EPHA6: variants seen among roughly 807,000 people sequenced by gnomAD.
The protein encoded by EPHA6 is EPH receptor A6.
EPHA6 carries 50 observed loss-of-function variants against 112.0 expected under a neutral mutation model. That is an observed-to-expected ratio of 0.45 (90% CI 0.36 to 0.56). The LOEUF (loss-of-function observed/expected upper bound fraction) is 0.56. Ranked by LOEUF, EPHA6 falls within the 20% of genes least tolerant of loss-of-function variation. EPHA6 has a pLI of 0.00. For synonymous variants in EPHA6, 529 were observed against 490.7 expected, an observed-to-expected ratio of 1.08 and a Z score of -1.03; for missense variants, 1,280 against 1,417.4, an observed-to-expected ratio of 0.90 and a Z score of 1.56.
chr3:96,979,890 A>T (rs977505471), intron 2 of EPHA6, among the ~76,000 whole-genome samples: 4 of 151,908 alleles, frequency 2.6e-5, no homozygotes, highest in African/African-American at 9.7e-5. Flanking sequence ...CCACTTTTTG[A>T]TGGGGTTGTT....
intron 10 of EPHA6, among the ~76,000 whole-genome samples, chr3:97,491,458 C>T (rs9839889): frequency 0.069 from 10,452 of 152,088 alleles, 1,103 homozygotes; most frequent in African/African-American, 0.23. Flanking sequence ...CAGGTACAGT[C>T]GGGGGGTCAG....
chr3:97,618,159 A>G (rs932787743), intron 13 of EPHA6, among the ~76,000 whole-genome samples: 1 of 152,140 alleles, frequency 6.6e-6, no homozygotes, highest in Non-Finnish European at 1.5e-5. Flanking sequence ...AAATTGTATA[A>G]CCTGCTCCTG....
chr3:97,227,711 A>T (rs988604006), intron 4 of EPHA6, among the ~76,000 whole-genome samples: 3 of 152,168 alleles, frequency 2.0e-5, no homozygotes, highest in Non-Finnish European at 2.9e-5. Context: ...AGAAACATGC[A>T]CATGGGCAAT....
intron 2 of EPHA6, among the ~76,000 whole-genome samples, chr3:96,890,221 G>A (rs2037875845): frequency 6.6e-6 from 1 of 151,836 alleles, no homozygotes. Context: ...ACAGCAAAAG[G>A]CAACACACAG....
At chr3:97,281,880 G>T (rs1460163717) in intron 5 of EPHA6, among the ~76,000 whole-genome samples, 1 of 152,114 alleles carries the variant, frequency 6.6e-6, no homozygotes, top group South Asian at 2.1e-4. Context: ...TACAGTGTGT[G>T]TAACTTAATC....
intron 6 of EPHA6, among the ~76,000 whole-genome samples, chr3:97,414,476 A>G (rs558676079): frequency 1.3e-5 from 2 of 152,186 alleles, no homozygotes; most frequent in East Asian, 3.9e-4. Flanking sequence ...TAATTACTAC[A>G]AAAGTGCTCT....
chr3:97,114,497 C>T (rs1157498978), intron 3 of EPHA6, among the ~76,000 whole-genome samples: 5 of 151,912 alleles, frequency 3.3e-5, no homozygotes, highest in African/African-American at 1.2e-4. Flanking sequence ...ATATAATCGT[C>T]AGTGCTTTTT....
intron 5 of EPHA6, among the ~76,000 whole-genome samples, chr3:97,348,476 A>AT (rs2083643844): frequency 6.6e-6 from 1 of 151,964 alleles, no homozygotes; most frequent in African/African-American, 2.4e-5. Flanking sequence ...CACATATAAG[A>AT]TGGAGTAGTT....
chr3:97,328,054 C>CACACACATATAT (rs372533674), intron 5 of EPHA6, among the ~76,000 whole-genome samples: 1 of 120,916 alleles, frequency 8.3e-6, no homozygotes, highest in African/African-American at 3.9e-5. Context: ...CATATATACA[C>CACACACATATAT]ATATATATAT....
intron 12 of EPHA6, among the ~76,000 whole-genome samples, chr3:97,604,604 G>A (rs1452715651): frequency 6.6e-6 from 1 of 151,596 alleles, no homozygotes; most frequent in Admixed American, 6.6e-5. Context: ...ACATTTTAGT[G>A]ACAAACATTG....
intron 3 of EPHA6, among the ~76,000 whole-genome samples, chr3:97,056,811 C>T (rs976098265): frequency 2.6e-5 from 4 of 151,972 alleles, no homozygotes; most frequent in Non-Finnish European, 5.9e-5. Flanking sequence ...ATTAAAAGTC[C>T]TTTCTTCATT....
chr3:97,035,798 A>G (rs1206933932), intron 3 of EPHA6, among the ~76,000 whole-genome samples: 1 of 152,004 alleles, frequency 6.6e-6, no homozygotes, highest in African/African-American at 2.4e-5. Context: ...GGTAAAATAT[A>G]TGATAGTGCT....
At chr3:97,227,470 C>CT (rs1431800792) in intron 4 of EPHA6, among the ~76,000 whole-genome samples, 1 of 152,180 alleles carries the variant, frequency 6.6e-6, no homozygotes, top group Non-Finnish European at 1.5e-5. Flanking sequence ...ATCCACCTGC[C>CT]TTGGCCTCCC....
At chr3:97,410,857 C>T (rs764605796) in intron 6 of EPHA6, among the ~76,000 whole-genome samples, 6 of 152,044 alleles carry the variant, frequency 3.9e-5, no homozygotes, top group Non-Finnish European at 7.4e-5. Flanking sequence ...ATGCTCTCAA[C>T]ATAGACGTGA....
intron 16 of EPHA6, chr3:97,745,506 A>C: frequency 2.7e-6 from 1 of 368,272 alleles, no homozygotes; most frequent in Non-Finnish European, 5.3e-6. Context: ...TAAAAAGGAC[A>C]GAAGTCACTG....
At chr3:97,369,520 A>G (rs2084930379) in intron 5 of EPHA6, among the ~76,000 whole-genome samples, 1 of 152,106 alleles carries the variant, frequency 6.6e-6, no homozygotes, top group Admixed American at 6.6e-5. Flanking sequence ...AACTGGGTAA[A>G]TGGTTGTTCC....
intron 6 of EPHA6, among the ~76,000 whole-genome samples, chr3:97,425,022 C>T (rs900515495): frequency 1.3e-5 from 2 of 152,162 alleles, no homozygotes; most frequent in Non-Finnish European, 2.9e-5. Context: ...TATACTGATG[C>T]AAGAGGTGGG....
chr3:97,476,634 C>A (rs1040823303), intron 8 of EPHA6, among the ~76,000 whole-genome samples: 2 of 152,036 alleles, frequency 1.3e-5, no homozygotes, highest in African/African-American at 4.8e-5. Flanking sequence ...TAGAACTTGA[C>A]AAGTACTTTG....
At chr3:97,691,412 C>G (rs2032656130) in intron 14 of EPHA6, among the ~76,000 whole-genome samples, 1 of 152,154 alleles carries the variant, frequency 6.6e-6, no homozygotes, top group Admixed American at 6.5e-5. Context: ...ATTGTTTCAG[C>G]TGTTGTGGGC....
Sources: gnomAD v4.1 joint callset for allele counts (sites outside exome capture counted in the v4.1 genomes callset) on GRCh38, gnomAD v4.1.1 for gene constraint, MANE v1.5 for transcripts, NCBI Gene and HGNC (gene_info 2026-07-23, HGNC 2026-07-21) for gene names.